The following CADPS variants were observed in gnomAD, a reference collection of about 807,000 sequenced individuals.
The protein encoded by CADPS is calcium-dependent secretion activator 1.
CADPS carries 57 observed loss-of-function variants against 167.3 expected under a neutral mutation model. The observed-to-expected ratio is 0.34, with a 90% CI of 0.28 to 0.42. CADPS has a LOEUF of 0.42. Ranked by LOEUF, CADPS falls within the 20% of genes least tolerant of loss-of-function variation. The probability of loss-of-function intolerance (pLI) is 1.00; values close to 1 mark genes in which losing one functional copy is unlikely to be tolerated. For missense variants in CADPS, 1,414 were observed against 1,738.1 expected, an observed-to-expected ratio of 0.81 and a Z score of 3.32; for synonymous variants, 676 against 635.3, an observed-to-expected ratio of 1.06 and a Z score of -0.96.
chr3:62,405,378 T>C (rs1480682572), intron 28 of CADPS, among the ~76,000 whole-genome samples: 1 of 151,646 alleles, frequency 6.6e-6, no homozygotes, highest in Non-Finnish European at 1.5e-5. Context: ...CGGCGCTGGC[T>C]TATATCACTG....
intron 11 of CADPS, among the ~76,000 whole-genome samples, 192 bp downstream of exon 11, chr3:62,549,711 G>A (rs2077030856): frequency 6.6e-6 from 1 of 152,008 alleles, no homozygotes; most frequent in South Asian, 2.1e-4. Context: ...TGTGGGAGAA[G>A]GTCAAGTATT....
intron 21 of CADPS, among the ~76,000 whole-genome samples, chr3:62,491,059 C>T (rs563478482): frequency 8.5e-5 from 13 of 152,272 alleles, no homozygotes; most frequent in African/African-American, 2.6e-4. Context: ...ATATCACAGC[C>T]GAGTTTATAT....
chr3:62,729,975 T>C (rs1257457576), intron 3 of CADPS, among the ~76,000 whole-genome samples: 1 of 151,878 alleles, frequency 6.6e-6, no homozygotes, highest in African/African-American at 2.4e-5. Flanking sequence ...ATAAAGCATT[T>C]AATTTCTGGT....
At position 62,592,490 on chromosome 3, in the gene CADPS, A is replaced by G. The variant is rs1177335200; in HGVS notation, c.1437+147T>C. Reference sequence around the variant, plus strand: ...TTGAGGAACTTGCTTAAGGTCACCCAGCCAATGTAGAGTGGAGTCCAGGAC... The same window carrying G: ...TTGAGGAACTTGCTTAAGGTCACCCGGCCAATGTAGAGTGGAGTCCAGGAC... On this transcript the variant is annotated intron_variant, in intron 7 of 29. Coordinates refer to ENST00000383710, the MANE Select transcript of CADPS (RefSeq NM_003716.4). 3 of 612,954 alleles carry G rather than the reference A, an allele frequency of 4.9e-6. No individual in the cohort carries two copies. The East Asian group carries it at 8.1e-5, about 17-fold the overall frequency. The allele number at this position is 612,954 out of a possible 1,614,324, so 38.0% of individuals were successfully genotyped here. A position where few individuals can be genotyped will look rare whatever the true frequency, so the allele number is the denominator to read the frequency against.
chr3:62,532,265 T>C (rs1335726073), intron 13 of CADPS, among the ~76,000 whole-genome samples: 1 of 152,210 alleles, frequency 6.6e-6, no homozygotes, highest in East Asian at 1.9e-4. Context: ...TGTTTCTTTA[T>C]TAAATTTTGT....
intron 22 of CADPS, among the ~76,000 whole-genome samples, chr3:62,481,145 C>T (rs772159354): frequency 5.9e-5 from 9 of 152,170 alleles, no homozygotes; most frequent in Non-Finnish European, 1.3e-4. Flanking sequence ...TTGGAAAGTA[C>T]ATAATATATT....
At chr3:62,779,162 T>A (rs2091042605) in intron 1 of CADPS, 1 of 197,842 alleles carries the variant, frequency 5.1e-6, no homozygotes, top group African/African-American at 2.4e-5. Flanking sequence ...GCTGGGATTA[T>A]AATAACCTCT....
chr3:62,542,266 T>C (rs2075806423), intron 11 of CADPS, among the ~76,000 whole-genome samples: 1 of 152,152 alleles, frequency 6.6e-6, no homozygotes, highest in South Asian at 2.1e-4. Flanking sequence ...CTAATGCAAC[T>C]CTAAAGTCAT....
intron 13 of CADPS, among the ~76,000 whole-genome samples, chr3:62,529,670 C>T (rs1220832880): frequency 1.3e-5 from 2 of 152,210 alleles, no homozygotes; most frequent in Non-Finnish European, 2.9e-5. Flanking sequence ...CCCTATTGGA[C>T]CCGCATATAC....
intron 13 of CADPS, chr3:62,530,760 C>A: frequency 7.8e-7 from 1 of 1,288,558 alleles, no homozygotes; most frequent in Non-Finnish European, 1.0e-6. Context: ...GTTTTGCTCC[C>A]TTCAGGGTCT....
At chr3:62,567,301 C>T (rs2080395390) in intron 9 of CADPS, among the ~76,000 whole-genome samples, 1 of 152,112 alleles carries the variant, frequency 6.6e-6, no homozygotes, top group South Asian at 2.1e-4. Flanking sequence ...CCTTTTTCAG[C>T]ACCACCCAAG....
rs2083400546 is a variant in CADPS at position 62,874,937 on chromosome 3, C to T, written c.93G>A (p.Ala31=). The change falls in exon 1 of 30, where the codon GCG becomes GCA. Residue 31 remains alanine (A), a synonymous_variant. Transcript: ENST00000383710. The surrounding 1 kb of genome is among the most constrained non-coding windows in gnomAD (Gnocchi z 7.1). ...KEVLGSAPSG[A]RLSPSRTSEG... is the part of the protein sequence containing the mutation. ...CGCTGGTACGGCTGGGAGACAGGCG[C>T]GCGCCGGACGGGGCCGAGCCGAGCA... 1 of 1,520,908 alleles carries T rather than the reference C, an allele frequency of 6.6e-7. No homozygotes were observed. Among genetic ancestry groups the T allele is most frequent in the Non-Finnish European group, 8.8e-7 (1 of 1,137,580 alleles). 94.2% of individuals were successfully genotyped at this position (1,520,908 alleles called of 1,614,324 possible).
At position 62,492,403 on chromosome 3, in the gene CADPS, G is replaced by C; in HGVS notation, c.2771C>G (p.Thr924Arg). ...WSDLMVEHAETFLSLFAVDMD... is the reference protein window; with the variant it reads ...WSDLMVEHAERFLSLFAVDMD... ...GTCTACTGCAAAGAGTGACAGGAAC[G>C]TCTCCGCATGCTCCACCATTAAATC... Residue 924 changes from threonine to arginine, a missense_variant, in exon 20 of 30, where the codon ACG becomes AGG. Coordinates refer to ENST00000383710, the MANE Select transcript of CADPS (RefSeq NM_003716.4). The C allele has an allele frequency of 6.2e-7, 1 of 1,614,078 alleles. No homozygotes were observed. The highest frequency in any genetic ancestry group is 1.3e-5 in the African/African-American group (1 of 75,040).
chr3:62,448,583 T>C (rs956129464), intron 26 of CADPS, among the ~76,000 whole-genome samples: 4 of 151,704 alleles, frequency 2.6e-5, no homozygotes, highest in Non-Finnish European at 5.9e-5. Flanking sequence ...TTTAGAGACA[T>C]GTGTGTATCA....
chr3:62,522,105 C>CTATCTATT (rs1260517820), intron 13 of CADPS, among the ~76,000 whole-genome samples: 4 of 144,934 alleles, frequency 2.8e-5, no homozygotes, highest in African/African-American at 1.1e-4. Flanking sequence ...CTCTATCTAT[C>CTATCTATT]TATCTATCTA....
chr3:62,633,091 G>A (rs1446091792), intron 6 of CADPS, among the ~76,000 whole-genome samples: 4 of 152,004 alleles, frequency 2.6e-5, no homozygotes, highest in Admixed American at 6.6e-5. Flanking sequence ...TGCAAACTCC[G>A]GAGAGAAGAG....
At chr3:62,631,442 A>G (rs77702002) in intron 6 of CADPS, among the ~76,000 whole-genome samples, 196 of 152,256 alleles carry the variant, frequency 1.3e-3, no homozygotes, top group African/African-American at 4.1e-3. Context: ...AAATTCCCAC[A>G]ATGATTGTGT....
At chr3:62,755,117 A>G (rs2083553258) in intron 2 of CADPS, among the ~76,000 whole-genome samples, 2 of 152,158 alleles carry the variant, frequency 1.3e-5, no homozygotes, top group Non-Finnish European at 2.9e-5. Flanking sequence ...AGAGAGGGGA[A>G]GGGACTTCCT....
At chr3:62,400,740 T>A (rs1281029866) in intron 29 of CADPS, among the ~76,000 whole-genome samples, 4 of 151,782 alleles carry the variant, frequency 2.6e-5, no homozygotes. Context: ...GCTGGGATTA[T>A]AGGTGCCCGC....
Sources: gnomAD v4.1 joint callset for allele counts (sites outside exome capture counted in the v4.1 genomes callset) on GRCh38, gnomAD v4.1.1 for gene constraint, Gnocchi (gnomAD v3.1) non-coding constraint, MANE v1.5 for transcripts, NCBI Gene and HGNC (gene_info 2026-07-23, HGNC 2026-07-21) for gene names.